The following ZBTB16 variants were observed in gnomAD, a reference collection of about 807,000 sequenced individuals.
ZBTB16 encodes zinc finger and BTB domain containing 16.
In ZBTB16, 8 loss-of-function variants were observed where a neutral mutation model predicts 56.8. The observed-to-expected ratio is 0.14, with a 90% CI of 0.08 to 0.25. ZBTB16 has a LOEUF of 0.25. ZBTB16 is among the 10% of genes least tolerant of loss of function. ZBTB16 has a pLI of 1.00. For synonymous variants in ZBTB16, 363 were observed against 368.5 expected, an observed-to-expected ratio of 0.98 and a Z score of 0.17; for missense variants, 625 against 903.0, an observed-to-expected ratio of 0.69 and a Z score of 3.95.
chr11:114,221,165 T>G (rs929728638), intron 4 of ZBTB16, among the ~76,000 whole-genome samples: 7 of 152,024 alleles, frequency 4.6e-5, no homozygotes, highest in African/African-American at 1.7e-4. Context: ...GGAAGGAGGG[T>G]AGGGAAGAGC....
intron 2 of ZBTB16, among the ~76,000 whole-genome samples, chr11:114,130,278 T>C (rs1327078891): frequency 1.3e-5 from 2 of 152,214 alleles, no homozygotes; most frequent in African/African-American, 4.8e-5. Context: ...CTCCGCCAGC[T>C]GCATTGTCTT....
chr11:114,171,577 C>T (rs568260397), intron 3 of ZBTB16, among the ~76,000 whole-genome samples: 10 of 152,306 alleles, frequency 6.6e-5, no homozygotes, highest in African/African-American at 2.4e-4. Context: ...CCCCCGGCCC[C>T]CCAAGGTGAC....
chr11:114,185,938 A>C (rs1292137306), intron 3 of ZBTB16, among the ~76,000 whole-genome samples: 1 of 152,222 alleles, frequency 6.6e-6, no homozygotes, highest in African/African-American at 2.4e-5. Flanking sequence ...TTATTCCACA[A>C]ATATGTATAG....
intron 2 of ZBTB16, among the ~76,000 whole-genome samples, chr11:114,149,635 T>G (rs1466937212): frequency 6.6e-6 from 1 of 152,234 alleles, no homozygotes; most frequent in African/African-American, 2.4e-5. Flanking sequence ...TAATGTTTAT[T>G]AATATTGACT....
At chr11:114,180,483 A>G (rs1350880194) in intron 3 of ZBTB16, among the ~76,000 whole-genome samples, 2 of 152,160 alleles carry the variant, frequency 1.3e-5, no homozygotes, top group African/African-American at 2.4e-5. Context: ...GGTTGGGAGC[A>G]GACATGCTGA....
intron 4 of ZBTB16, among the ~76,000 whole-genome samples, chr11:114,233,703 AT>A (rs1944504468): frequency 2.1e-5 from 3 of 143,472 alleles, no homozygotes; most frequent in Non-Finnish European, 4.5e-5. Context: ...TGTTGGAGTG[AT>A]TGACAAAATT....
In ZBTB16 at chr11:114,254,820, A is replaced by G. The variant is rs12285298; in HGVS notation, c.*4265A>G. ...GGCGAGACTCACCCTACGCGGTGGGACAGATGGGGAGAGGAAAAAGGCAGA... is the reference window on the plus strand; with the variant it reads ...GGCGAGACTCACCCTACGCGGTGGGGCAGATGGGGAGAGGAAAAAGGCAGA... On this transcript the variant is annotated 3_prime_UTR_variant, in exon 7 of 7. Transcript: ENST00000335953. Among the ~76,000 whole-genome samples, 3,111 of 152,170 alleles carry G rather than the reference A, an allele frequency of 0.02. 113 individuals are homozygous for G. Among genetic ancestry groups the G allele is most frequent in the African/African-American group, 0.071 (2,939 of 41,486 alleles).
chr11:114,220,189 A>G (rs1420653615), intron 4 of ZBTB16, among the ~76,000 whole-genome samples: 1 of 152,238 alleles, frequency 6.6e-6, no homozygotes, highest in Non-Finnish European at 1.5e-5. Flanking sequence ...CTCTGGGCCC[A>G]GATGGTCCTT....
At chr11:114,067,065 C>G (rs185181199) in intron 2 of ZBTB16, among the ~76,000 whole-genome samples, 1 of 152,104 alleles carries the variant, frequency 6.6e-6, no homozygotes, top group Non-Finnish European at 1.5e-5. Context: ...CCACCCCGCC[C>G]GGCCTTCACT....
intron 3 of ZBTB16, among the ~76,000 whole-genome samples, chr11:114,186,682 C>G (rs1437047094): frequency 1.3e-5 from 2 of 152,214 alleles, no homozygotes; most frequent in East Asian, 3.9e-4. Context: ...CTTGAGGTAT[C>G]TAACTTGGAA....
In ZBTB16 at chr11:114,118,240, G is replaced by C. The variant is rs1168056367; in HGVS notation, c.1269-38097G>C. On this transcript the variant is annotated intron_variant, in intron 2 of 6. Coordinates refer to ENST00000335953, the MANE Select transcript of ZBTB16 (RefSeq NM_006006.6). ...TGCCCAGGCTGGAGTGCAGTGGTGC[G>C]ATCCTGGCTCACCGCAACCTCCACC... Among the ~76,000 whole-genome samples the C allele has an allele frequency of 4.6e-5, 7 of 152,118 alleles. No individual in the cohort carries two copies. The East Asian group carries it at 1.3e-3, about 29-fold the overall frequency.
chr11:114,186,570 A>G (rs940639158), intron 3 of ZBTB16, among the ~76,000 whole-genome samples: 18 of 152,146 alleles, frequency 1.2e-4, no homozygotes, highest in African/African-American at 4.3e-4. Context: ...TTACATTCCC[A>G]TAAAGTACAG....
intron 5 of ZBTB16, among the ~76,000 whole-genome samples, chr11:114,243,369 G>C (rs1225353780): frequency 6.6e-6 from 1 of 152,216 alleles, no homozygotes; most frequent in Admixed American, 6.5e-5. Flanking sequence ...ATGCAGACCA[G>C]GTCTTGCATG....
chr11:114,150,100 A>G (rs1942246066), intron 2 of ZBTB16, among the ~76,000 whole-genome samples: 1 of 152,200 alleles, frequency 6.6e-6, no homozygotes, highest in South Asian at 2.1e-4. Context: ...TTCCTACAAA[A>G]TACATAAGGA....
At chr11:114,182,815 C>T (rs1943279291) in intron 3 of ZBTB16, among the ~76,000 whole-genome samples, 1 of 152,200 alleles carries the variant, frequency 6.6e-6, no homozygotes, top group African/African-American at 2.4e-5. Flanking sequence ...GCTTTGAATG[C>T]AAACCTGACA....
At chr11:114,085,565 TG>T (rs1407591597) in intron 2 of ZBTB16, among the ~76,000 whole-genome samples, 1 of 152,054 alleles carries the variant, frequency 6.6e-6, no homozygotes, top group African/African-American at 2.4e-5. Flanking sequence ...AAGTGAGGTA[TG>T]GGGGAGCAGA....
intron 6 of ZBTB16, among the ~76,000 whole-genome samples, chr11:114,249,835 G>A (rs1035323603): frequency 2.7e-5 from 4 of 148,390 alleles, no homozygotes; most frequent in Admixed American, 1.4e-4. Context: ...CATATTTGAA[G>A]GACTGGGTTC....
rs1340094998 is a variant in ZBTB16, at chr11:114,063,375, C to T, written c.75C>T (p.Asn25=). Residue 25 remains asparagine (N), a synonymous_variant, in exon 2 of 7, where the codon AAC becomes AAT. Coordinates refer to ENST00000335953, the MANE Select transcript of ZBTB16 (RefSeq NM_006006.6). This position sits in a 1 kb window ranked among gnomAD's most constrained non-coding sequence, Gnocchi z 6.5. ...CCACGGGGCTACTGTGCAAGGCCAA[C>T]CAGATGCGGCTGGCCGGGACTTTGT... The part of the protein sequence containing the change: ...SHPTGLLCKA[N]QMRLAGTLCD... The T allele has an allele frequency of 6.2e-7, 1 of 1,614,048 alleles. No individual in the cohort carries two copies. Among genetic ancestry groups the T allele is most frequent in the Non-Finnish European group, 8.5e-7 (1 of 1,180,050 alleles).
chr11:114,075,514 T>C (rs1030678008), intron 2 of ZBTB16, among the ~76,000 whole-genome samples: 1 of 151,900 alleles, frequency 6.6e-6, no homozygotes, highest in African/African-American at 2.4e-5. Flanking sequence ...TTGAGTGCAG[T>C]GGCGCGATCT....
Sources: gnomAD v4.1 joint callset for allele counts (sites outside exome capture counted in the v4.1 genomes callset) on GRCh38, gnomAD v4.1.1 for gene constraint, Gnocchi (gnomAD v3.1) non-coding constraint, MANE v1.5 for transcripts, NCBI Gene and HGNC (gene_info 2026-07-23, HGNC 2026-07-21) for gene names.